The following ARHGAP32 variants were observed in gnomAD, a reference collection of about 807,000 sequenced individuals.
ARHGAP32 encodes the protein Rho GTPase activating protein 32, also known as rho GTPase-activating protein 32.
ARHGAP32 carries 51 observed loss-of-function variants against 186.5 expected under a neutral mutation model. That is an observed-to-expected ratio of 0.27 (90% confidence interval 0.22 to 0.35). The LOEUF is 0.35. ARHGAP32 is among the 10% of genes least tolerant of loss of function. ARHGAP32 has a pLI of 1.00. For missense variants in ARHGAP32, 2,186 were observed against 2,623.5 expected, an observed-to-expected ratio of 0.83 and a Z score of 3.64; for synonymous variants, 950 against 964.3, an observed-to-expected ratio of 0.99 and a Z score of 0.27.
intron 5 of ARHGAP32, among the ~76,000 whole-genome samples, chr11:129,095,552 C>T (rs1436723269): frequency 6.6e-6 from 1 of 152,126 alleles, no homozygotes; most frequent in Non-Finnish European, 1.5e-5. Flanking sequence ...TCCCCAAGGA[C>T]AAGGCAGCTA....
intron 1 of ARHGAP32, among the ~76,000 whole-genome samples, chr11:129,179,891 G>A (rs566980669): frequency 9.9e-5 from 15 of 152,004 alleles, no homozygotes; most frequent in Admixed American, 6.6e-5. Flanking sequence ...ACGTGTATAC[G>A]TATGTAACTA....
At chr11:129,015,615 G>A (rs570060702) in intron 11 of ARHGAP32, among the ~76,000 whole-genome samples, 2 of 152,162 alleles carry the variant, frequency 1.3e-5, no homozygotes, top group African/African-American at 2.4e-5. Context: ...ATACTGTAAC[G>A]ACATGTGTAT....
chr11:129,179,535 G>C (rs1291569948), intron 1 of ARHGAP32, among the ~76,000 whole-genome samples: 1 of 151,254 alleles, frequency 6.6e-6, no homozygotes, highest in East Asian at 1.9e-4. Flanking sequence ...CAAAGACTTG[G>C]AACCAACCCA....
At chr11:129,125,835 T>C (rs638632) in intron 2 of ARHGAP32, 2 of 421,014 alleles carry the variant, frequency 4.8e-6, no homozygotes, top group South Asian at 1.7e-5. Flanking sequence ...TTTATAAGGG[T>C]TGGTATTTCA....
intron 12 of ARHGAP32, among the ~76,000 whole-genome samples, chr11:128,995,918 C>T (rs1052163350): frequency 1.3e-5 from 2 of 152,192 alleles, no homozygotes; most frequent in Admixed American, 1.3e-4. Context: ...ACTTTTATTT[C>T]TATTTAATTA....
chr11:129,260,423 T>C (rs1218639043), intron 1 of ARHGAP32, among the ~76,000 whole-genome samples: 1 of 152,148 alleles, frequency 6.6e-6, no homozygotes, highest in African/African-American at 2.4e-5. Flanking sequence ...TGAATAAATT[T>C]ATTACGGGCT....
chr11:129,194,801 T>C (rs896977009), upstream of ARHGAP32, among the ~76,000 whole-genome samples: 3 of 152,026 alleles, frequency 2.0e-5, no homozygotes, highest in East Asian at 5.8e-4. Flanking sequence ...GTCATGCACA[T>C]ATAATCCTTA....
At chr11:129,174,538 C>A (rs1359462097) in intron 1 of ARHGAP32, among the ~76,000 whole-genome samples, 1 of 152,224 alleles carries the variant, frequency 6.6e-6, no homozygotes, top group African/African-American at 2.4e-5. Context: ...ACTTAAATGT[C>A]CCTGTCTGAC....
In ARHGAP32 at chr11:128,969,615, C is replaced by G. The variant is rs781237968; in HGVS notation, c.5598G>C (p.Lys1866Asn). The change falls in exon 23 of 23, where the codon AAG becomes AAC. Residue 1866 changes from lysine (K) to asparagine (N), a missense_variant. Around this residue, in one of 5 missense-constraint regions of ARHGAP32, gnomAD observed 1,502 missense variants for 1,570.0 expected, o/e 0.96. Coordinates refer to ENST00000682385, the MANE Select transcript of ARHGAP32 (RefSeq NM_001378024.1). This position sits in a 1 kb window ranked among gnomAD's most constrained non-coding sequence, Gnocchi z 4.8. ...HGGHGSTQPE[K>N]PSLPQKQSSL... The stretch of plus-strand genomic sequence containing the variant: ...TGCTCTGCTTCTGAGGCAGGGATGG[C>G]TTCTCCGGCTGCGTGCTACCATGGC... 35 of 1,613,992 alleles carry G rather than the reference C, an allele frequency of 2.2e-5. No individual in the cohort carries two copies. The highest frequency in any genetic ancestry group is 8.0e-5 in the African/African-American group (6 of 74,928).
intron 22 of ARHGAP32, 157 bp from the exon 23 acceptor site, chr11:128,971,316 A>C: frequency 1.7e-6 from 1 of 604,956 alleles, no homozygotes; most frequent in Admixed American, 3.1e-5. Context: ...TTCTAGGAAA[A>C]GAAGGCTTGT....
intron 11 of ARHGAP32, among the ~76,000 whole-genome samples, chr11:129,012,489 T>A (rs140762850): frequency 1.3e-5 from 2 of 151,952 alleles, no homozygotes; most frequent in African/African-American, 4.8e-5. Context: ...AAATTCCTTA[T>A]CAAAACAAAC....
At chr11:129,205,159 TTC>T (rs1468936337) in intron 1 of ARHGAP32, among the ~76,000 whole-genome samples, 53 of 152,292 alleles carry the variant, frequency 3.5e-4, no homozygotes, top group Middle Eastern at 3.4e-3. Flanking sequence ...TGTCTACTTC[TTC>T]TGATTTTGCT....
chr11:129,078,694 T>G (rs529084007), intron 6 of ARHGAP32, among the ~76,000 whole-genome samples: 135 of 152,124 alleles, frequency 8.9e-4, no homozygotes, highest in African/African-American at 3.2e-3. Flanking sequence ...GGTTTCACCA[T>G]GTTGGCCAGG....
chr11:129,003,076 G>A lies in ARHGAP32; in HGVS notation c.1046-4608C>T, dbSNP rs575801912. On this transcript the variant is annotated intron_variant, in intron 11 of 22. Coordinates refer to ENST00000682385, the MANE Select transcript of ARHGAP32 (RefSeq NM_001378024.1). Reference sequence around the variant, plus strand: ...CTCCCAAAGTGCTGGGATTACAGGCGTGAGCCACCGTGCCCGGCCAAGGGA... The same window carrying A: ...CTCCCAAAGTGCTGGGATTACAGGCATGAGCCACCGTGCCCGGCCAAGGGA... Among the ~76,000 whole-genome samples the A allele has an allele frequency of 3.8e-3, 575 of 152,236 alleles. 2 individuals are homozygous for A. The highest frequency in any genetic ancestry group is 0.013 in the African/African-American group (550 of 41,548).
At chr11:129,172,602 C>A (rs1188166739) in intron 1 of ARHGAP32, among the ~76,000 whole-genome samples, 2 of 152,192 alleles carry the variant, frequency 1.3e-5, no homozygotes. Flanking sequence ...ATCTCTCAGA[C>A]CACAGTGCAA....
chr11:128,975,057 G>A (rs1203735717), intron 20 of ARHGAP32, 55 bp from the exon 21 acceptor site: 2 of 1,456,852 alleles, frequency 1.4e-6, no homozygotes, highest in Non-Finnish European at 1.9e-6. Context: ...ACAGAATGCT[G>A]TGGTAAGTCA....
rs776088312 is a variant in ARHGAP32 at position 128,969,716 on chromosome 11, T to C, written c.5497A>G (p.Ile1833Val). 5 of 1,614,096 alleles carry C rather than the reference T, an allele frequency of 3.1e-6. No homozygotes were observed. The highest frequency in any genetic ancestry group is 1.1e-5 in the South Asian group (1 of 91,094). The change falls in exon 23 of 23, where the codon ATC (isoleucine) becomes GTC (valine). Residue 1833 changes from isoleucine (I) to valine (V), a missense_variant. This residue lies in a region of ARHGAP32 where 1,502 missense variants were observed against 1,570.0 expected (regional missense o/e 0.96). Coordinates refer to ENST00000682385, the MANE Select transcript of ARHGAP32 (RefSeq NM_001378024.1). This position sits in a 1 kb window ranked among gnomAD's most constrained non-coding sequence, Gnocchi z 4.8. Reference sequence around the variant, plus strand: ...AAGCGGTCCTCTCCCTCGGGACTGATGGCCTTGGCTGCATGGCGGCTCTCC... The same window carrying C: ...AAGCGGTCCTCTCCCTCGGGACTGACGGCCTTGGCTGCATGGCGGCTCTCC... ...GKESRHAAKAISPEGEDRFYR... is the reference protein window; with the variant it reads ...GKESRHAAKAVSPEGEDRFYR...
chr11:129,043,381 C>CT (rs1213682729), intron 10 of ARHGAP32, among the ~76,000 whole-genome samples: 28,410 of 103,538 alleles, frequency 0.27, 4,422 homozygotes, highest in Non-Finnish European at 0.32. Flanking sequence ...TTCTTTTTTT[C>CT]TTTTTTTTTT....
At chr11:129,034,728 CAAA>C (rs767897442) in intron 11 of ARHGAP32, among the ~76,000 whole-genome samples, 4 of 72,564 alleles carry the variant, frequency 5.5e-5, no homozygotes, top group Non-Finnish European at 8.7e-5. Context: ...AAACTGAAAA[CAAA>C]AAAAAAAAAA....
Sources: allele counts gnomAD v4.1 joint callset (sites outside exome capture counted in the v4.1 genomes callset), GRCh38; gene constraint gnomAD v4.1.1; regional missense constraint gnomAD v4.1.1; non-coding constraint Gnocchi (gnomAD v3.1); transcripts MANE v1.5; gene names NCBI Gene and HGNC (gene_info 2026-07-23, HGNC 2026-07-21).